The following POLDIP3 variants were observed in gnomAD, a reference collection of about 807,000 sequenced individuals.
POLDIP3 encodes the protein DNA polymerase delta interacting protein 3.
In POLDIP3, 14 loss-of-function variants were observed where a neutral mutation model predicts 45.1. That is an observed-to-expected ratio of 0.31 (90% CI 0.20 to 0.49). POLDIP3 has a LOEUF of 0.49. Ranked by LOEUF, POLDIP3 falls within the 20% of genes least tolerant of loss-of-function variation. POLDIP3 has a pLI of 0.99. For synonymous variants in POLDIP3, 223 were observed against 205.2 expected (o/e 1.09, Z -0.74); for missense variants, 511 against 538.8 (o/e 0.95, Z 0.51).
chr22:42,612,572 T>TA (rs1325409406), intron 1 of POLDIP3, among the ~76,000 whole-genome samples: 1 of 152,212 alleles, frequency 6.6e-6, no homozygotes, highest in Non-Finnish European at 1.5e-5. Flanking sequence ...CTCATGCTTG[T>TA]AATCCCAGGA....
rs1385914300 is a variant in POLDIP3 at position 42,596,235 on chromosome 22, C to G, written c.764G>C (p.Arg255Pro). ...GGGTTCTTCCTTGTTCACCAGTGTCCGGGACATGTTGGTCAAGGCTTTTGT... is the reference window on the plus strand; with the variant it reads ...GGGTTCTTCCTTGTTCACCAGTGTCGGGGACATGTTGGTCAAGGCTTTTGT... ...IRTKALTNMSRTLVNKEEPPK... is the reference protein window; with the variant it reads ...IRTKALTNMSPTLVNKEEPPK... The change falls in exon 5 of 9, where the codon CGG (arginine) becomes CCG (proline). Residue 255 changes from arginine (R) to proline (P), a missense_variant. Coordinates refer to ENST00000252115, the MANE Select transcript of POLDIP3 (RefSeq NM_032311.5). The G allele has an allele frequency of 6.2e-7, 1 of 1,614,010 alleles. No individual in the cohort carries two copies. Among genetic ancestry groups the G allele is most frequent in the Non-Finnish European group, 8.5e-7 (1 of 1,180,034 alleles).
At chr22:42,605,129 T>C (rs564110063) in intron 1 of POLDIP3, among the ~76,000 whole-genome samples, 68 of 152,218 alleles carry the variant, frequency 4.5e-4, no homozygotes, top group Admixed American at 4.0e-3. Flanking sequence ...TTTCTTCAGT[T>C]TTGTTTTGTT....
At position 42,585,036 on chromosome 22, in the gene POLDIP3, C is replaced by T. The variant is rs566731780; in HGVS notation, c.*755G>A. 5.7e-4 allele frequency: 260 copies of T among 455,550 alleles called. 1 individual carries two copies. The highest frequency in any genetic ancestry group is 7.3e-4 in the Admixed American group (31 of 42,346). 28.2% of individuals were successfully genotyped at this position (455,550 alleles called of 1,614,324 possible). A position where few individuals can be genotyped will look rare whatever the true frequency, so the allele number is the denominator to read the frequency against. On this transcript the variant is annotated 3_prime_UTR_variant, in exon 9 of 9. Transcript: ENST00000252115. ...GAGGGCTCACAACACAGCCCCCTCC[C>T]AGCAAAGACACCCAGAAGGGAAAGA...
chr22:42,614,469 C>A (rs1316795565), intron 1 of POLDIP3, among the ~76,000 whole-genome samples: 1 of 152,202 alleles, frequency 6.6e-6, no homozygotes, highest in Non-Finnish European at 1.5e-5. Context: ...AAATGCCAGT[C>A]CACACAGGCA....
intron 7 of POLDIP3, among the ~76,000 whole-genome samples, chr22:42,591,185 AAG>A (rs1925648528): frequency 6.6e-6 from 1 of 152,150 alleles, no homozygotes; most frequent in African/African-American, 2.4e-5. Context: ...AAAACAAAAA[AAG>A]AACAGAAATT....
At chr22:42,609,098 T>A (rs559681850) in intron 1 of POLDIP3, among the ~76,000 whole-genome samples, 1 of 152,158 alleles carries the variant, frequency 6.6e-6, no homozygotes, top group Non-Finnish European at 1.5e-5. Flanking sequence ...TATGTTACCC[T>A]CCCGCTTCTA....
intron 7 of POLDIP3, among the ~76,000 whole-genome samples, chr22:42,589,815 G>A (rs1255381065): frequency 1.3e-5 from 2 of 150,902 alleles, no homozygotes; most frequent in East Asian, 1.9e-4. Flanking sequence ...CTGCACTCCA[G>A]CCTGGGTGAC....
chr22:42,602,120 G>A, intron 2 of POLDIP3, 64 bp from the exon 3 acceptor site: 2 of 1,609,678 alleles, frequency 1.2e-6, no homozygotes, highest in East Asian at 4.5e-5. Context: ...AGAAGAAGGG[G>A]GTTACTGAAC....
At chr22:42,599,644 C>T (rs1926222693) in intron 4 of POLDIP3, 54 bp downstream of exon 4, 1 of 1,322,074 alleles carries the variant, frequency 7.6e-7, no homozygotes. Flanking sequence ...TCAACACGAC[C>T]TCTCCCACCT....
chr22:42,614,869 G>A lies in POLDIP3; in HGVS notation c.-12C>T, dbSNP rs769279250. On this transcript the variant is annotated 5_prime_UTR_variant, in exon 1 of 9. Coordinates refer to ENST00000252115, the MANE Select transcript of POLDIP3 (RefSeq NM_032311.5). ...GAGATGTCCGCCATCTTGCTCCGCC[G>A]AGCAAGCCGAAAGCAGTCGAGACCC... is the stretch of plus-strand genomic sequence containing the variant. 8 of 1,613,448 alleles carry A rather than the reference G, an allele frequency of 5.0e-6. No homozygotes were observed. The highest frequency in any genetic ancestry group is 2.2e-5 in the East Asian group (1 of 44,848).
chr22:42,592,120 A>G, intron 6 of POLDIP3, 36 bp from the exon 7 acceptor site: 1 of 1,612,686 alleles, frequency 6.2e-7, no homozygotes, highest in South Asian at 1.1e-5. Context: ...TTGGGGAAGG[A>G]TTTCTCAGCA....
rs1158405628 is a variant in POLDIP3, at chr22:42,599,760, T to C, written c.571A>G (p.Ile191Val). 7 of 1,611,780 alleles carry C rather than the reference T, an allele frequency of 4.3e-6. No individual in the cohort carries two copies. The highest frequency in any genetic ancestry group is 4.2e-6 in the Non-Finnish European group (5 of 1,178,248). The stretch of plus-strand genomic sequence containing the variant: ...ATCTGTTTAGTAGGAACGGAAGCTA[T>C]ACCATCATCATCTTCATCCAGGTCA... ...LYDLDEDDDG[I>V]ASVPTKQMKF... The change falls in exon 4 of 9, where the codon ATA (isoleucine) becomes GTA (valine). Residue 191 changes from isoleucine to valine, a missense_variant. Physicochemically the swap from Ile to Val is conservative, Grantham distance 29 (BLOSUM62 3). Transcript: ENST00000252115.
At chr22:42,606,179 G>A (rs967863244) in intron 1 of POLDIP3, among the ~76,000 whole-genome samples, 6 of 151,264 alleles carry the variant, frequency 4.0e-5, no homozygotes, top group Non-Finnish European at 5.9e-5. Flanking sequence ...AAACTTCTGA[G>A]TATTACTCAC....
intron 1 of POLDIP3, among the ~76,000 whole-genome samples, chr22:42,607,119 T>A (rs1240787547): frequency 1.3e-5 from 2 of 151,912 alleles, no homozygotes; most frequent in African/African-American, 4.8e-5. Context: ...ACAAAAAAAA[T>A]TCCCTCCCCC....
intron 1 of POLDIP3, among the ~76,000 whole-genome samples, chr22:42,608,563 G>A (rs764770511): frequency 1.3e-5 from 2 of 152,124 alleles, no homozygotes; most frequent in African/African-American, 2.4e-5. Flanking sequence ...TATAAAGGAA[G>A]GATAAACAGT....
intron 7 of POLDIP3, among the ~76,000 whole-genome samples, chr22:42,591,227 A>G (rs749516024): frequency 2.9e-4 from 44 of 152,364 alleles, no homozygotes; most frequent in Non-Finnish European, 5.6e-4. Context: ...TTAATGACAT[A>G]CAAATGGCCA....
intron 5 of POLDIP3, 66 bp downstream of exon 5, chr22:42,596,120 A>C (rs1303093794): frequency 3.3e-6 from 5 of 1,532,030 alleles, no homozygotes; most frequent in Non-Finnish European, 8.9e-7. Context: ...TGGGGAACAC[A>C]ATGAGGTACA....
chr22:42,592,812 G>A lies in POLDIP3; in HGVS notation c.892-728C>T, dbSNP rs147046731. Among the ~76,000 whole-genome samples the A allele has an allele frequency of 2.9e-3, 438 of 152,290 alleles. 2 individuals carry two copies. Among genetic ancestry groups the A allele is most frequent in the African/African-American group, 9.7e-3 (402 of 41,556 alleles). On this transcript the variant is annotated intron_variant, in intron 6 of 8. Transcript: ENST00000252115. The stretch of plus-strand genomic sequence containing the variant: ...CTCCACCTCATTTTACAGACAAGAC[G>A]ACTAAGGCCAGAGAGGGAGCAAAAT...
chr22:42,591,101 AT>A (rs1384876248), intron 7 of POLDIP3, among the ~76,000 whole-genome samples: 1 of 151,332 alleles, frequency 6.6e-6, no homozygotes, highest in African/African-American at 2.4e-5. Context: ...ATAATAAAAA[AT>A]AAAAATAAAA....
Sources: allele counts gnomAD v4.1 joint callset (sites outside exome capture counted in the v4.1 genomes callset), GRCh38; gene constraint gnomAD v4.1.1; transcripts MANE v1.5; gene names NCBI Gene and HGNC (gene_info 2026-07-23, HGNC 2026-07-21).